Variants in B4GALT1 observed in about 807,000 individuals in gnomAD.
B4GALT1 encodes N-acetyllactosamine synthase.
In B4GALT1, 16 loss-of-function variants were observed where a neutral mutation model predicts 34.9. The observed-to-expected ratio is 0.46, with a 90% CI of 0.31 to 0.70. B4GALT1 has a LOEUF of 0.70. B4GALT1 is among the 30% of genes least tolerant of loss of function. The probability of loss-of-function intolerance (pLI) is 0.05; values close to 1 mark genes in which losing one functional copy is unlikely to be tolerated. For synonymous variants in B4GALT1, 221 were observed against 218.1 expected (o/e 1.01, Z -0.12); for missense variants, 445 against 530.5 (o/e 0.84, Z 1.58).
At chr9:33,106,933 C>T (rs2117970800), downstream of B4GALT1, among the ~76,000 whole-genome samples, 1 of 152,268 alleles carries the variant, frequency 6.6e-6, no homozygotes, top group East Asian at 1.9e-4. Context: ...GCTTGTCTTT[C>T]CAGGCTCCCT....
intron 1 of B4GALT1, among the ~76,000 whole-genome samples, chr9:33,155,973 C>T (rs2007463705): frequency 6.6e-6 from 1 of 152,274 alleles, no homozygotes; most frequent in East Asian, 1.9e-4. Context: ...GCAGCTCTGA[C>T]CTAATTCAGT....
At chr9:33,119,733 G>C (rs949627735) in intron 3 of B4GALT1, among the ~76,000 whole-genome samples, 2 of 150,670 alleles carry the variant, frequency 1.3e-5, no homozygotes, top group East Asian at 4.0e-4. Context: ...AAACAAAACA[G>C]GCCAAGGAAC....
Position 33,132,854 on chromosome 9 carries a change from G to A in B4GALT1, c.648+2335C>T, listed in dbSNP as rs749122484. 1.2e-4 allele frequency among the ~76,000 whole-genome samples: 18 copies of A among 151,910 alleles called. 1 individual carries two copies. The South Asian group carries it at 3.3e-3, about 28-fold the overall frequency. Reference sequence around the variant, plus strand: ...CTCAGTTCAAAAATTCAGCATCATCGCTAACTCTTTTATCCTCTTTACCCA... The same window carrying A: ...CTCAGTTCAAAAATTCAGCATCATCACTAACTCTTTTATCCTCTTTACCCA... On this transcript the variant is annotated intron_variant, in intron 2 of 5. Coordinates refer to ENST00000379731, the MANE Select transcript of B4GALT1 (RefSeq NM_001497.4).
intron 1 of B4GALT1, among the ~76,000 whole-genome samples, chr9:33,145,834 G>T (rs1286152473): frequency 6.6e-6 from 1 of 152,192 alleles, no homozygotes; most frequent in Non-Finnish European, 1.5e-5. Flanking sequence ...TTCCAATTTA[G>T]GGGCCAGGGG....
intron 4 of B4GALT1, 113 bp from the exon 5 acceptor site, chr9:33,113,991 G>T: frequency 1.0e-6 from 1 of 969,506 alleles, no homozygotes; most frequent in Non-Finnish European, 1.6e-6. Flanking sequence ...TTCTCACTCA[G>T]CCCACAACCC....
chr9:33,122,826 C>T (rs889786911), intron 2 of B4GALT1, among the ~76,000 whole-genome samples: 1 of 152,112 alleles, frequency 6.6e-6, no homozygotes, highest in Admixed American at 6.5e-5. Flanking sequence ...TCAGCTAATT[C>T]TGTGTAAGTC....
chr9:33,165,047 A>C (rs1453695353), intron 1 of B4GALT1, among the ~76,000 whole-genome samples: 4 of 140,850 alleles, frequency 2.8e-5, no homozygotes, highest in South Asian at 2.2e-4. Context: ...ATCTTGACTC[A>C]CTGCAACCTC....
chr9:33,116,317 C>T (rs1450824594), intron 3 of B4GALT1, among the ~76,000 whole-genome samples: 3 of 152,078 alleles, frequency 2.0e-5, no homozygotes, highest in African/African-American at 4.8e-5. Flanking sequence ...CTGCAACTTC[C>T]GCCTCCCGGG....
intron 1 of B4GALT1, among the ~76,000 whole-genome samples, chr9:33,154,324 G>C (rs1840566634): frequency 6.6e-6 from 1 of 152,058 alleles, no homozygotes; most frequent in Non-Finnish European, 1.5e-5. Context: ...CAACAAACCA[G>C]GAATAGAAAG....
At chr9:33,123,687 T>C (rs1470088622) in intron 2 of B4GALT1, among the ~76,000 whole-genome samples, 1 of 152,196 alleles carries the variant, frequency 6.6e-6, no homozygotes, top group African/African-American at 2.4e-5. Flanking sequence ...TGGCCTTGGC[T>C]GTTTGATCTA....
At chr9:33,163,128 G>T (rs977584645) in intron 1 of B4GALT1, among the ~76,000 whole-genome samples, 3 of 152,128 alleles carry the variant, frequency 2.0e-5, no homozygotes, top group Non-Finnish European at 2.9e-5. Flanking sequence ...AAGCCTCAAA[G>T]TACACTCTGT....
At chr9:33,120,067 C>G (rs550715904) in intron 3 of B4GALT1, among the ~76,000 whole-genome samples, 4 of 152,046 alleles carry the variant, frequency 2.6e-5, no homozygotes, top group East Asian at 3.9e-4. Flanking sequence ...GTTTGTAGTC[C>G]CAGCTACTCA....
intron 4 of B4GALT1, among the ~76,000 whole-genome samples, chr9:33,115,238 T>A (rs1017272996): frequency 4.6e-5 from 7 of 152,254 alleles, no homozygotes; most frequent in Non-Finnish European, 8.8e-5. Context: ...AGACACCTTC[T>A]GTTAACTGGT....
Position 33,130,343 on chromosome 9 carries a change from T to A in B4GALT1, c.648+4846A>T, listed in dbSNP as rs374590146. Among the ~76,000 whole-genome samples, 3 of 152,184 alleles carry A rather than the reference T, an allele frequency of 2.0e-5. No homozygotes were observed. The South Asian group carries it at 6.2e-4, about 32-fold the overall frequency. The stretch of plus-strand genomic sequence containing the variant: ...CAGCATGCATCCCTGTTTGCTATGA[T>A]GTCTTCTCCTTCTGTTGCTTCTTTT... On this transcript the variant is annotated intron_variant, in intron 2 of 5. Transcript: ENST00000379731.
intron 5 of B4GALT1, 26 bp downstream of exon 5, chr9:33,113,748 G>A (rs1443577370): frequency 6.2e-7 from 1 of 1,612,992 alleles, no homozygotes. Context: ...AAAGGGGGAA[G>A]GAGTATGAAT....
At chr9:33,168,948 A>G (rs188055363), upstream of B4GALT1, among the ~76,000 whole-genome samples, 3 of 152,318 alleles carry the variant, frequency 2.0e-5, no homozygotes, top group East Asian at 3.9e-4. Context: ...CCCAGAATCT[A>G]AAAGGTGTCC....
chr9:33,111,921 C>T lies in B4GALT1; in HGVS notation c.*1533G>A, dbSNP rs1050563933. On this transcript the variant is annotated 3_prime_UTR_variant, in exon 6 of 6. Transcript: ENST00000379731. The stretch of plus-strand genomic sequence containing the variant: ...AGGTGGAACAGGAGGCTTTAGGCAC[C>T]GAAGTTCTTGGGAGGGAGTTGGGGT... The T allele has an allele frequency of 6.6e-6, 1 of 152,604 alleles. No individual in the cohort carries two copies. Among genetic ancestry groups the T allele is most frequent in the Non-Finnish European group, 1.5e-5 (1 of 68,048 alleles). The allele number at this position is 152,604 out of a possible 1,614,324, so 9.5% of individuals were successfully genotyped here.
chr9:33,120,610 G>C lies in B4GALT1; in HGVS notation c.649-4C>G. ...GATTGAATATAGTGTCTCCCGCCTG[G>C]TGCAGAAACAAAAACAGTGATATCA... On this transcript the variant is annotated splice_polypyrimidine_tract_variant and splice_region_variant and intron_variant, in intron 2 of 5. Coordinates refer to ENST00000379731, the MANE Select transcript of B4GALT1 (RefSeq NM_001497.4). The C allele has an allele frequency of 6.2e-7, 1 of 1,614,060 alleles. No individual in the cohort carries two copies. Among genetic ancestry groups the C allele is most frequent in the Non-Finnish European group, 8.5e-7 (1 of 1,180,004 alleles).
downstream of B4GALT1, among the ~76,000 whole-genome samples, chr9:33,108,929 AATATTTAT>A (rs1212236723): frequency 6.6e-6 from 1 of 151,394 alleles, no homozygotes. Context: ...CTTTTGTTCT[AATATTTAT>A]GCTAGGAGAA....
Sources: gnomAD v4.1 joint callset for allele counts (sites outside exome capture counted in the v4.1 genomes callset) on GRCh38, gnomAD v4.1.1 for gene constraint, MANE v1.5 for transcripts, NCBI Gene and HGNC (gene_info 2026-07-23, HGNC 2026-07-21) for gene names.